Variants in DRD2 observed in about 807,000 individuals in gnomAD.
DRD2 encodes the protein D(2) dopamine receptor.
Under a neutral mutation model 38.0 loss-of-function variants are expected in DRD2, and 8 were observed. The ratio of observed to expected loss-of-function variants is 0.21; its 90% CI spans 0.12 to 0.38. DRD2 has a LOEUF of 0.38. Ranked by LOEUF, DRD2 falls within the 10% of genes least tolerant of loss-of-function variation. The pLI is 1.00. For synonymous variants in DRD2, 230 were observed against 238.6 expected, an observed-to-expected ratio of 0.96 and a Z score of 0.33; for missense variants, 403 against 607.7, an observed-to-expected ratio of 0.66 and a Z score of 3.54.
chr11:113,470,869 T>A (rs1951417432), intron 1 of DRD2, among the ~76,000 whole-genome samples: 1 of 152,300 alleles, frequency 6.6e-6, no homozygotes, highest in East Asian at 1.9e-4. Context: ...CTCTGACTCC[T>A]CCCTATACAC....
intron 1 of DRD2, among the ~76,000 whole-genome samples, chr11:113,464,786 G>A (rs886737298): frequency 6.6e-6 from 1 of 152,172 alleles, no homozygotes; most frequent in Non-Finnish European, 1.5e-5. Context: ...GATTCTATCA[G>A]CCTATCTTCC....
intron 1 of DRD2, among the ~76,000 whole-genome samples, chr11:113,446,613 G>A (rs1280952137): frequency 6.6e-6 from 1 of 152,166 alleles, no homozygotes; most frequent in Admixed American, 6.5e-5. Context: ...TGGCAATGAG[G>A]CACCCCCTAC....
intron 2 of DRD2, among the ~76,000 whole-genome samples, chr11:113,420,563 G>A (rs1950875813): frequency 6.6e-6 from 1 of 152,202 alleles, no homozygotes; most frequent in Non-Finnish European, 1.5e-5. Flanking sequence ...CCACTCATAG[G>A]TGAGGGAACT....
intron 5 of DRD2, among the ~76,000 whole-genome samples, chr11:113,415,087 G>A (rs1361299828): frequency 1.3e-5 from 2 of 152,156 alleles, no homozygotes; most frequent in Non-Finnish European, 2.9e-5. Flanking sequence ...GAGTCAGAGG[G>A]AGCTAAAGTG....
chr11:113,463,264 A>G (rs1951339436), intron 1 of DRD2, among the ~76,000 whole-genome samples: 1 of 152,194 alleles, frequency 6.6e-6, no homozygotes, highest in South Asian at 2.1e-4. Flanking sequence ...CAAGAGGATG[A>G]TTTTTGGAGC....
chr11:113,462,904 C>A (rs1026300788), intron 1 of DRD2, among the ~76,000 whole-genome samples: 3 of 152,130 alleles, frequency 2.0e-5, no homozygotes, highest in Non-Finnish European at 4.4e-5. Context: ...ACTCCCCCTT[C>A]TCCTGCCCCC....
intron 1 of DRD2, among the ~76,000 whole-genome samples, chr11:113,471,913 T>C (rs1211900338): frequency 1.3e-5 from 2 of 152,174 alleles, no homozygotes; most frequent in Admixed American, 1.3e-4. Context: ...ACCTCAACTC[T>C]TAGGTAACTG....
rs758449566 is a variant in DRD2, at chr11:113,424,448, G to A, written c.204C>T (p.Thr68=). 3.1e-6 allele frequency: 5 copies of A among 1,614,234 alleles called. No individual in the cohort carries two copies. In the East Asian group the frequency reaches 6.7e-5, roughly 22 times the overall value. ...CGAGGCTGACGATCAGGTAGTTGGTGGTGGTCTGCAGCGCCTTCTCGCGGG... is the reference window on the plus strand; with the variant it reads ...CGAGGCTGACGATCAGGTAGTTGGTAGTGGTCTGCAGCGCCTTCTCGCGGG... The part of the protein sequence containing the change: ...AVSREKALQT[T]TNYLIVSLAV... Residue 68 remains threonine, a synonymous_variant, in exon 2 of 8, where the codon ACC becomes ACT. Coordinates refer to ENST00000362072, the MANE Select transcript of DRD2 (RefSeq NM_000795.4).
chr11:113,450,281 T>C (rs1452051109), intron 1 of DRD2, among the ~76,000 whole-genome samples: 2 of 152,138 alleles, frequency 1.3e-5, no homozygotes, highest in Admixed American at 1.3e-4. Context: ...AAAACACCAA[T>C]GCCAAACAAG....
At chr11:113,434,076 C>A (rs1032564442) in intron 1 of DRD2, among the ~76,000 whole-genome samples, 2 of 152,194 alleles carry the variant, frequency 1.3e-5, no homozygotes, top group Non-Finnish European at 2.9e-5. Flanking sequence ...ATCTTTCCAG[C>A]CCCTTCTCCA....
intron 1 of DRD2, among the ~76,000 whole-genome samples, chr11:113,458,889 C>T: frequency 6.6e-6 from 1 of 152,138 alleles, no homozygotes; most frequent in Non-Finnish European, 1.5e-5. Flanking sequence ...ATCGACCTCA[C>T]ATGCTGGGGG....
At chr11:113,437,005 A>G (rs904675713) in intron 1 of DRD2, among the ~76,000 whole-genome samples, 10 of 152,122 alleles carry the variant, frequency 6.6e-5, no homozygotes, top group African/African-American at 2.2e-4. Flanking sequence ...CTTTCTCATG[A>G]CATAACAGCT....
At chr11:113,445,809 A>G (rs1951142772) in intron 1 of DRD2, among the ~76,000 whole-genome samples, 1 of 152,170 alleles carries the variant, frequency 6.6e-6, no homozygotes, top group Non-Finnish European at 1.5e-5. Context: ...TCCATTTCCC[A>G]GGAGACGGAA....
At chr11:113,460,860 A>T (rs939550239) in intron 1 of DRD2, among the ~76,000 whole-genome samples, 2 of 152,266 alleles carry the variant, frequency 1.3e-5, no homozygotes, top group Non-Finnish European at 2.9e-5. Flanking sequence ...CCCAATGCCA[A>T]GTCCCAGGTG....
intron 1 of DRD2, among the ~76,000 whole-genome samples, chr11:113,456,385 A>G (rs1223795538): frequency 6.6e-6 from 1 of 152,212 alleles, no homozygotes; most frequent in African/African-American, 2.4e-5. Flanking sequence ...CAAGTTGTCT[A>G]TTTCAAAATT....
intron 6 of DRD2, among the ~76,000 whole-genome samples, chr11:113,413,653 A>ACCT (rs1555164488): frequency 6.6e-6 from 1 of 152,216 alleles, no homozygotes; most frequent in Non-Finnish European, 1.5e-5. Context: ...CTTGCAGTGC[A>ACCT]GGTGAAGGCA....
chr11:113,426,448 A>G (rs1950942312), intron 1 of DRD2, among the ~76,000 whole-genome samples: 1 of 152,240 alleles, frequency 6.6e-6, no homozygotes, highest in Non-Finnish European at 1.5e-5. Flanking sequence ...AATTAAACTT[A>G]TCAGCATTCC....
chr11:113,430,292 G>A (rs550190857), intron 1 of DRD2, among the ~76,000 whole-genome samples: 102 of 152,254 alleles, frequency 6.7e-4, no homozygotes, highest in Admixed American at 1.0e-3. Flanking sequence ...TGCTATAGCC[G>A]ATGACTGTCA....
intron 1 of DRD2, among the ~76,000 whole-genome samples, chr11:113,454,931 T>G (rs1951254369): frequency 6.6e-6 from 1 of 152,218 alleles, no homozygotes; most frequent in South Asian, 2.1e-4. Context: ...GCTGTCCACA[T>G]GCTGAAGAAT....
Sources: gnomAD v4.1 joint callset for allele counts (sites outside exome capture counted in the v4.1 genomes callset) on GRCh38, gnomAD v4.1.1 for gene constraint, MANE v1.5 for transcripts, NCBI Gene and HGNC (gene_info 2026-07-23, HGNC 2026-07-21) for gene names.